Variants in LYN observed in about 807,000 individuals in gnomAD.
LYN encodes the protein tyrosine-protein kinase Lyn.
A neutral mutation model predicts 65.0 loss-of-function variants in LYN; 12 were observed. The observed-to-expected ratio is 0.18, with a 90% CI of 0.12 to 0.30. LYN has a LOEUF of 0.30. Ranked by LOEUF, LYN falls within the 10% of genes least tolerant of loss-of-function variation. The pLI is 1.00. For missense variants in LYN, 380 were observed against 623.2 expected, an observed-to-expected ratio of 0.61 and a Z score of 4.16; for synonymous variants, 222 against 221.2, an observed-to-expected ratio of 1.00 and a Z score of -0.03.
chr8:55,898,070 G>C (rs2130375965), intron 1 of LYN, among the ~76,000 whole-genome samples: 1 of 151,976 alleles, frequency 6.6e-6, no homozygotes, highest in Non-Finnish European at 1.5e-5. Context: ...TTTAATACAT[G>C]TGCAGATTCA....
At chr8:55,962,582 G>C (rs1807318787) in intron 8 of LYN, among the ~76,000 whole-genome samples, 1 of 152,042 alleles carries the variant, frequency 6.6e-6, no homozygotes, top group Non-Finnish European at 1.5e-5. Flanking sequence ...ATTCCATATG[G>C]TATTGGTGAG....
At chr8:55,927,772 G>T (rs145308895) in intron 1 of LYN, among the ~76,000 whole-genome samples, 3,868 of 152,082 alleles carry the variant, frequency 0.025, 181 homozygotes, top group African/African-American at 0.089. Context: ...GGAGGCAGAG[G>T]TTACAGTGAG....
chr8:55,923,653 C>T (rs1413853292), intron 1 of LYN, among the ~76,000 whole-genome samples: 4 of 152,070 alleles, frequency 2.6e-5, no homozygotes, highest in Non-Finnish European at 4.4e-5. Context: ...GATTCTCCTG[C>T]CTCGGCCTCT....
intron 10 of LYN, among the ~76,000 whole-genome samples, chr8:55,989,695 A>C (rs968515029): frequency 3.3e-5 from 5 of 152,364 alleles, no homozygotes; most frequent in Admixed American, 6.5e-5. Flanking sequence ...CATCTGAGAC[A>C]GGTCTCCATC....
intron 10 of LYN, among the ~76,000 whole-genome samples, chr8:55,986,420 AGT>A (rs1195357114): frequency 1.3e-5 from 2 of 152,360 alleles, no homozygotes; most frequent in Non-Finnish European, 2.9e-5. Flanking sequence ...GACATAGTTC[AGT>A]GAGTTTTTGC....
chr8:55,965,262 T>G (rs1807416075), intron 8 of LYN, among the ~76,000 whole-genome samples: 1 of 152,212 alleles, frequency 6.6e-6, no homozygotes, highest in African/African-American at 2.4e-5. Context: ...AAGAGGCTAC[T>G]TGAACAAGTG....
chr8:55,920,141 T>C (rs189279603), intron 1 of LYN, among the ~76,000 whole-genome samples: 1 of 152,252 alleles, frequency 6.6e-6, no homozygotes, highest in Admixed American at 6.5e-5. Flanking sequence ...ATTCAGCAGA[T>C]TAATTGTGGG....
At chr8:55,938,243 A>C (rs1302263089) in intron 1 of LYN, among the ~76,000 whole-genome samples, 3 of 152,208 alleles carry the variant, frequency 2.0e-5, no homozygotes, top group African/African-American at 7.2e-5. Context: ...GTGTCTCTTT[A>C]GACCATATTG....
chr8:55,921,932 G>T (rs1805957777), intron 1 of LYN, among the ~76,000 whole-genome samples: 1 of 152,094 alleles, frequency 6.6e-6, no homozygotes, highest in Admixed American at 6.6e-5. Flanking sequence ...ATAATACAAG[G>T]GTGTGCAAAA....
intron 12 of LYN, among the ~76,000 whole-genome samples, chr8:56,004,507 T>C (rs1302255908): frequency 2.6e-5 from 4 of 151,958 alleles, no homozygotes; most frequent in Non-Finnish European, 5.9e-5. Context: ...TTGGCCAGGC[T>C]GGTCTTGAAC....
At chr8:55,957,084 CTG>C (rs1368839214) in intron 8 of LYN, among the ~76,000 whole-genome samples, 1 of 152,224 alleles carries the variant, frequency 6.6e-6, no homozygotes, top group Non-Finnish European at 1.5e-5. Context: ...CCAGGCTGCT[CTG>C]GCATCTGGGA....
intron 1 of LYN, among the ~76,000 whole-genome samples, chr8:55,913,190 A>G (rs554698311): frequency 4.7e-4 from 71 of 152,326 alleles, no homozygotes; most frequent in Middle Eastern, 3.4e-3. Flanking sequence ...CTCTGTTAAA[A>G]TCTTTTAGCA....
chr8:56,007,029 G>A (rs558800556), intron 12 of LYN, among the ~76,000 whole-genome samples: 8 of 152,158 alleles, frequency 5.3e-5, no homozygotes, highest in African/African-American at 1.9e-4. Flanking sequence ...CAGCATCATC[G>A]AGAGTCCTTC....
At chr8:55,951,820 G>A (rs1006411049) in intron 6 of LYN, 146 bp from the exon 7 acceptor site, 2 of 581,368 alleles carry the variant, frequency 3.4e-6, no homozygotes, top group African/African-American at 3.9e-5. Flanking sequence ...AATTTTTATA[G>A]GACTTTTAAA....
chr8:55,889,918 T>A (rs888272091), intron 1 of LYN, among the ~76,000 whole-genome samples: 9 of 152,004 alleles, frequency 5.9e-5, no homozygotes, highest in African/African-American at 2.2e-4. Context: ...TAGGTTACAG[T>A]GGATTCCAAA....
chr8:55,882,159 G>A (rs1003413643), intron 1 of LYN, among the ~76,000 whole-genome samples: 5 of 152,166 alleles, frequency 3.3e-5, no homozygotes, highest in Non-Finnish European at 5.9e-5. Flanking sequence ...CTGGAAGAGA[G>A]GTCCTGATGT....
At chr8:55,973,374 C>A (rs1452746062) in intron 10 of LYN, among the ~76,000 whole-genome samples, 1 of 152,222 alleles carries the variant, frequency 6.6e-6, no homozygotes, top group Admixed American at 6.5e-5. Flanking sequence ...ACTACAGCAG[C>A]TTTACCCACT....
intron 1 of LYN, among the ~76,000 whole-genome samples, chr8:55,918,678 C>A (rs1805849430): frequency 6.6e-6 from 1 of 152,098 alleles, no homozygotes; most frequent in Non-Finnish European, 1.5e-5. Context: ...CTTACTATGG[C>A]CTTGCGGGGT....
chr8:55,915,724 T>A (rs893544890), intron 1 of LYN, among the ~76,000 whole-genome samples: 1 of 150,894 alleles, frequency 6.6e-6, no homozygotes, highest in Non-Finnish European at 1.5e-5. Flanking sequence ...AATAAAAAAT[T>A]AAGAAAAATA....
Sources: gnomAD v4.1 joint callset for allele counts (sites outside exome capture counted in the v4.1 genomes callset) on GRCh38, gnomAD v4.1.1 for gene constraint, MANE v1.5 for transcripts, NCBI Gene and HGNC (gene_info 2026-07-23, HGNC 2026-07-21) for gene names.